Variants in CHAMP1 observed in about 807,000 individuals in gnomAD.
CHAMP1 encodes chromosome alignment maintaining phosphoprotein 1, also known as chromosome alignment-maintaining phosphoprotein 1.
CHAMP1 carries 4 observed loss-of-function variants against 54.5 expected under a neutral mutation model. The ratio of observed to expected loss-of-function variants is 0.07; its 90% CI spans 0.04 to 0.17. CHAMP1 has a LOEUF of 0.17. Ranked by LOEUF, CHAMP1 falls within the 10% of genes least tolerant of loss-of-function variation. The pLI is 1.00. For missense variants in CHAMP1, 994 were observed against 968.6 expected (o/e 1.03, Z -0.35); for synonymous variants, 368 against 342.2 (o/e 1.08, Z -0.83).
rs2087256350 is a variant in CHAMP1 at position 114,326,721 on chromosome 13, A to T, written c.*440A>T. The stretch of plus-strand genomic sequence containing the variant: ...TTTTGTTTCCTTACATGTATTTTTA[A>T]ATCATAAGAGTTATTTTCTATCTGA... On this transcript the variant is annotated 3_prime_UTR_variant, in exon 3 of 3. Transcript: ENST00000361283. 6.0e-6 allele frequency: 1 copy of T among 167,652 alleles called. No individual in the cohort carries two copies. The allele number at this position is 167,652 out of a possible 1,614,324, so 10.4% of individuals were successfully genotyped here. A position where few individuals can be genotyped will look rare whatever the true frequency, so the allele number is the denominator to read the frequency against.
intron 1 of CHAMP1, among the ~76,000 whole-genome samples, chr13:114,319,808 C>G (rs551455643): frequency 3.3e-5 from 5 of 152,024 alleles, no homozygotes; most frequent in Admixed American, 6.5e-5. Context: ...GCCTGATGGC[C>G]GGGTGGCAAG....
In CHAMP1 at chr13:114,324,154, T is replaced by C; in HGVS notation, c.312T>C (p.Asp104=). 6.2e-7 allele frequency: 1 copy of C among 1,613,980 alleles called. No individual in the cohort carries two copies. Among genetic ancestry groups the C allele is most frequent in the Non-Finnish European group, 8.5e-7 (1 of 1,180,002 alleles). ...KPKNQLNKET[D]PVKSPPLPEH... ...AAAATCAGTTGAACAAAGAAACAGA[T>C]CCTGTGAAAAGCCCTCCTCTTCCTG... The change falls in exon 3 of 3, where the codon GAT becomes GAC. Residue 104 remains aspartate (D), a synonymous_variant. Coordinates refer to ENST00000361283, the MANE Select transcript of CHAMP1 (RefSeq NM_032436.4).
intron 1 of CHAMP1, among the ~76,000 whole-genome samples, chr13:114,315,173 G>C (rs2087080173): frequency 6.6e-6 from 1 of 152,106 alleles, no homozygotes; most frequent in South Asian, 2.1e-4. Context: ...CACGTGCAGT[G>C]ATGCTCAACA....
chr13:114,320,911 G>A (rs189240023), intron 1 of CHAMP1, among the ~76,000 whole-genome samples, 199 bp from the exon 2 acceptor site: 470 of 150,962 alleles, frequency 3.1e-3, no homozygotes, highest in Middle Eastern at 0.01. Context: ...AGCCGAGATC[G>A]CGCCACTGCA....
intron 1 of CHAMP1, among the ~76,000 whole-genome samples, chr13:114,318,857 C>CTTTTTTTTTTTTTTTTTTTTTTTTTTTTT: frequency 4.1e-5 from 1 of 24,156 alleles, no homozygotes; most frequent in Non-Finnish European, 7.5e-5. Context: ...TCCTGGTTGC[C>CTTTTTTTTTTTTTTTTTTTTTTTTTTTTT]TTTTTTTTTT....
At position 114,324,967 on chromosome 13, in the gene CHAMP1, C is replaced by T. The variant is rs373905564; in HGVS notation, c.1125C>T (p.Val375=). The stretch of plus-strand genomic sequence containing the variant: ...CTGCATCCTGGAAATCTTCATCAGT[C>T]TCACCCAGCTCCTGGAAGTCTCCCC... The part of the protein sequence containing the change: ...VSSASWKSSS[V]SPSSWKSPPA... The change falls in exon 3 of 3, where the codon GTC becomes GTT. Residue 375 remains valine (V), a synonymous_variant. Transcript: ENST00000361283. 2 of 1,614,096 alleles carry T rather than the reference C, an allele frequency of 1.2e-6. No individual in the cohort carries two copies.
In CHAMP1 at chr13:114,324,481, A is replaced by G. The variant is rs782813507; in HGVS notation, c.639A>G (p.Val213=). 3.1e-6 allele frequency: 5 copies of G among 1,614,164 alleles called. No individual in the cohort carries two copies. Among genetic ancestry groups the G allele is most frequent in the East Asian group, 2.2e-5 (1 of 44,880 alleles). The change falls in exon 3 of 3, where the codon GTA becomes GTG. Residue 213 remains valine (V), a synonymous_variant. Coordinates refer to ENST00000361283, the MANE Select transcript of CHAMP1 (RefSeq NM_032436.4). ...CAGAACCACAGAAACCTGCCCCTGT[A>G]TCTCCTGAGTCAGTAAAGGCTACTC... ...PSPEPQKPAP[V]SPESVKATLS...
In CHAMP1 at chr13:114,326,562, C is replaced by T. The variant is rs930340959; in HGVS notation, c.*281C>T. The T allele has an allele frequency of 1.1e-5, 3 of 276,954 alleles. No homozygotes were observed. Among genetic ancestry groups the T allele is most frequent in the African/African-American group, 6.6e-5 (3 of 45,326 alleles). The allele number at this position is 276,954 out of a possible 1,614,324, so 17.2% of individuals were successfully genotyped here. A position where few individuals can be genotyped will look rare whatever the true frequency, so the allele number is the denominator to read the frequency against. On this transcript the variant is annotated 3_prime_UTR_variant, in exon 3 of 3. Coordinates refer to ENST00000361283, the MANE Select transcript of CHAMP1 (RefSeq NM_032436.4). ...ATAATAATACAAGGAAGTAGGCATTCCATTTAATAATCAAGAGCAAGTTGT... is the reference window on the plus strand; with the variant it reads ...ATAATAATACAAGGAAGTAGGCATTTCATTTAATAATCAAGAGCAAGTTGT...
rs1261319290 is a variant in CHAMP1, at chr13:114,325,561, G to A, written c.1719G>A (p.Gln573=). 6.2e-7 allele frequency: 1 copy of A among 1,614,026 alleles called. No homozygotes were observed. The highest frequency in any genetic ancestry group is 8.5e-7 in the Non-Finnish European group (1 of 1,180,050). Residue 573 remains glutamine (Q), a synonymous_variant, in exon 3 of 3, where the codon CAG becomes CAA. Transcript: ENST00000361283. ...LPKSALFSES[Q]KAVELGDELQ... The stretch of plus-strand genomic sequence containing the variant: ...AATCTGCTCTATTCTCAGAATCACA[G>A]AAGGCTGTTGAGCTTGGTGATGAAC...
At chr13:114,320,692 C>T (rs1309537905) in intron 1 of CHAMP1, among the ~76,000 whole-genome samples, 1 of 152,086 alleles carries the variant, frequency 6.6e-6, no homozygotes, top group Non-Finnish European at 1.5e-5. Flanking sequence ...CGCGGTGGCT[C>T]ACACCTGTAA....
In CHAMP1 at chr13:114,324,301, C is replaced by T. The variant is rs1375606888; in HGVS notation, c.459C>T (p.Pro153=). ...PESPKPTPLT[P]LEPQKPGSVV... is the part of the protein sequence containing the mutation. ...CGCCAAAACCTACTCCTCTTACTCC[C>T]CTGGAGCCTCAGAAACCTGGCTCTG... The change falls in exon 3 of 3, where the codon CCC becomes CCT. Residue 153 remains proline, a synonymous_variant. Transcript: ENST00000361283. 6.2e-7 allele frequency: 1 copy of T among 1,614,116 alleles called. No individual in the cohort carries two copies. Among genetic ancestry groups the T allele is most frequent in the Non-Finnish European group, 8.5e-7 (1 of 1,180,018 alleles).
chr13:114,317,413 G>A (rs532979728), intron 1 of CHAMP1, among the ~76,000 whole-genome samples: 1 of 152,024 alleles, frequency 6.6e-6, no homozygotes, highest in East Asian at 2.0e-4. Flanking sequence ...ATCTCTGGAG[G>A]CCAGGAGTTC....
chr13:114,324,195 C>G lies in CHAMP1; in HGVS notation c.353C>G (p.Pro118Arg), dbSNP rs1398753289. ...SPPLPEHQKI[P>R]CNSAEPKSIP... ...CCTCTTCCTGAACACCAGAAAATAC[C>G]CTGCAATTCAGCAGAACCAAAATCC... Residue 118 changes from proline to arginine, a missense_variant, in exon 3 of 3, where the codon CCC (proline) becomes CGC (arginine). Coordinates refer to ENST00000361283, the MANE Select transcript of CHAMP1 (RefSeq NM_032436.4). 2 of 1,613,932 alleles carry G rather than the reference C, an allele frequency of 1.2e-6. No homozygotes were observed. Among genetic ancestry groups the G allele is most frequent in the East Asian group, 2.2e-5 (1 of 44,892 alleles).
At position 114,321,110 on chromosome 13, in the gene CHAMP1, G is replaced by A. The variant is rs2087164469; in HGVS notation, c.-178G>A. The A allele has an allele frequency of 7.8e-6, 1 of 129,018 alleles. No individual in the cohort carries two copies. The highest frequency in any genetic ancestry group is 3.1e-5 in the African/African-American group (1 of 31,936). The allele number at this position is 129,018 out of a possible 1,614,324, so 8.0% of individuals were successfully genotyped here. On this transcript the variant is annotated splice_region_variant and 5_prime_UTR_variant, in exon 2 of 3. Coordinates refer to ENST00000361283, the MANE Select transcript of CHAMP1 (RefSeq NM_032436.4). ...TCTTTTTTTTTTTTTTTTTTTCCAG[G>A]TTCAACTTCTCATCTTTGTTCTTCT...
In CHAMP1 at chr13:114,326,405, TC is replaced by T. The variant is rs2087251982; in HGVS notation, c.*125del. The T allele has an allele frequency of 4.5e-6, 5 of 1,104,186 alleles. No homozygotes were observed. The highest frequency in any genetic ancestry group is 5.0e-6 in the Non-Finnish European group (4 of 802,328). The allele number at this position is 1,104,186 out of a possible 1,614,324, so 68.4% of individuals were successfully genotyped here. ...GTATGGTGTACCGTGTTTCACTGTC[TC>T]AGTTGTGTTACTAAGAATGAGCATT... On this transcript the variant is annotated 3_prime_UTR_variant, in exon 3 of 3. Coordinates refer to ENST00000361283, the MANE Select transcript of CHAMP1 (RefSeq NM_032436.4).
At chr13:114,318,875 TTTTTTTTTTTTA>T (rs1214150134) in intron 1 of CHAMP1, among the ~76,000 whole-genome samples, 1 of 135,722 alleles carries the variant, frequency 7.4e-6, no homozygotes, top group African/African-American at 3.0e-5. Flanking sequence ...TTTTTTTTTT[TTTTTTTTTTTTA>T]ATGTTCCCTA....
chr13:114,323,037 C>G (rs1210568054), intron 2 of CHAMP1: 1 of 152,182 alleles, frequency 6.6e-6, no homozygotes, highest in African/African-American at 2.4e-5. Flanking sequence ...TGCGCCTTCA[C>G]ATCATTCAGG....
At position 114,325,881 on chromosome 13, in the gene CHAMP1, G is replaced by A. The variant is rs531028864; in HGVS notation, c.2039G>A (p.Arg680Lys). ...KMDMTSPEQS[R>K]NVLQFTEEKE... ...GACATGACTAGTCCAGAGCAGTCTA[G>A]AAATGTGCTACAGTTTACTGAAGAA... Residue 680 changes from arginine to lysine, a missense_variant, in exon 3 of 3, where the codon AGA (arginine) becomes AAA (lysine). By Grantham distance (26) the Arg-to-Lys change is conservative. Transcript: ENST00000361283. 1.2e-6 allele frequency: 2 copies of A among 1,614,096 alleles called. No homozygotes were observed. The highest frequency in any genetic ancestry group is 2.7e-5 in the African/African-American group (2 of 75,026).
At position 114,326,380 on chromosome 13, in the gene CHAMP1, G is replaced by T; in HGVS notation, c.*99G>T. Reference sequence around the variant, plus strand: ...GCATAGTTGGATCAGTAGATGACATGTATGGTGTACCGTGTTTCACTGTCT... The same window carrying T: ...GCATAGTTGGATCAGTAGATGACATTTATGGTGTACCGTGTTTCACTGTCT... On this transcript the variant is annotated 3_prime_UTR_variant, in exon 3 of 3. Transcript: ENST00000361283. 1 of 1,341,692 alleles carries T rather than the reference G, an allele frequency of 7.5e-7. No individual in the cohort carries two copies. The highest frequency in any genetic ancestry group is 1.6e-5 in the South Asian group (1 of 63,536). 83.1% of individuals were successfully genotyped at this position (1,341,692 alleles called of 1,614,324 possible).
Sources: gnomAD v4.1 joint callset for allele counts (sites outside exome capture counted in the v4.1 genomes callset) on GRCh38, gnomAD v4.1.1 for gene constraint, MANE v1.5 for transcripts, NCBI Gene and HGNC (gene_info 2026-07-23, HGNC 2026-07-21) for gene names.